The following METTL9 variants were observed in gnomAD, a reference collection of about 807,000 sequenced individuals.
The protein encoded by METTL9 is methyltransferase 9, His-X-His N1(pi)-histidine, also known as protein-L-histidine N-pros-methyltransferase.
In METTL9, 10 loss-of-function variants were observed where a neutral mutation model predicts 36.0. The observed-to-expected ratio is 0.28, with a 90% CI of 0.17 to 0.47. METTL9 has a LOEUF of 0.47. Among genes scored for constraint, METTL9 ranks in the 20% least tolerant of loss-of-function variants. The pLI, the probability that METTL9 is intolerant of heterozygous loss-of-function variation, is 0.99. For synonymous variants in METTL9, 175 were observed against 149.7 expected, an observed-to-expected ratio of 1.17 and a Z score of -1.23; for missense variants, 246 against 383.5, an observed-to-expected ratio of 0.64 and a Z score of 3.00.
At chr16:21,598,809 C>G (rs1965014283), upstream of METTL9, among the ~76,000 whole-genome samples, 1 of 152,190 alleles carries the variant, frequency 6.6e-6, no homozygotes, top group Admixed American at 6.5e-5. Flanking sequence ...GCCAAGGAGT[C>G]TAACTTGAGG....
At chr16:21,625,226 C>T in intron 4 of METTL9, 111 bp downstream of exon 4, 2 of 1,187,740 alleles carry the variant, frequency 1.7e-6, no homozygotes, top group Non-Finnish European at 2.5e-6. Context: ...TAATAGCCTG[C>T]AGTTTAAAGT....
At chr16:21,611,444 C>T (rs1004494299) in intron 1 of METTL9, among the ~76,000 whole-genome samples, 2 of 152,136 alleles carry the variant, frequency 1.3e-5, no homozygotes, top group Non-Finnish European at 2.9e-5. Context: ...GCAAATTACT[C>T]TTGGCCAATT....
intron 4 of METTL9, among the ~76,000 whole-genome samples, chr16:21,625,495 C>T (rs940856125): frequency 5.3e-5 from 8 of 152,128 alleles, no homozygotes; most frequent in Non-Finnish European, 1.0e-4. Context: ...AATGTCATGG[C>T]TGTTTTGTTT....
At chr16:21,650,548 G>C (rs970804525) in intron 4 of METTL9, among the ~76,000 whole-genome samples, 8 of 151,642 alleles carry the variant, frequency 5.3e-5, no homozygotes, top group Non-Finnish European at 1.2e-4. Flanking sequence ...GGGTGGCGGG[G>C]ATAGCTGACT....
chr16:21,637,952 C>T (rs1162065436), intron 4 of METTL9, among the ~76,000 whole-genome samples: 4 of 152,230 alleles, frequency 2.6e-5, no homozygotes, highest in African/African-American at 9.6e-5. Context: ...GTTTTTGCAG[C>T]TCGAAGTAAA....
chr16:21,647,466 CAGAG>C (rs747420250), intron 4 of METTL9: 3 of 1,613,780 alleles, frequency 1.9e-6, no homozygotes, highest in South Asian at 2.2e-5. Flanking sequence ...GGTTGTGTGA[CAGAG>C]AGAGTACAGG....
At chr16:21,646,228 A>AT (rs1421999570) in intron 4 of METTL9, among the ~76,000 whole-genome samples, 1 of 151,356 alleles carries the variant, frequency 6.6e-6, no homozygotes, top group East Asian at 1.9e-4. Context: ...TACTGATAGG[A>AT]TTTAGCTATG....
chr16:21,633,081 A>G (rs949642752), intron 4 of METTL9, among the ~76,000 whole-genome samples: 3 of 152,106 alleles, frequency 2.0e-5, no homozygotes, highest in South Asian at 4.1e-4. Context: ...CTGGGGATCC[A>G]TAGTCAGCAA....
At chr16:21,627,838 A>G (rs1965849446) in intron 4 of METTL9, among the ~76,000 whole-genome samples, 1 of 152,148 alleles carries the variant, frequency 6.6e-6, no homozygotes, top group South Asian at 2.1e-4. Context: ...CTGTAGTTCC[A>G]GCTACTGGGG....
At chr16:21,650,250 T>A (rs1966532242) in intron 4 of METTL9, among the ~76,000 whole-genome samples, 1 of 152,206 alleles carries the variant, frequency 6.6e-6, no homozygotes, top group Admixed American at 6.5e-5. Flanking sequence ...CTCACGCCTG[T>A]AATCCCAGCA....
rs1965597143 is a variant in METTL9 at position 21,618,021 on chromosome 16, T to TA, written c.513_514insA (p.Ala172SerfsTer3). ...TGAGCCCTCATTTTGAAGAAATCTATGCCACTGAGCTTTCTGAAACTATGA... is the reference window on the plus strand; with the variant it reads ...TGAGCCCTCATTTTGAAGAAATCTATAGCCACTGAGCTTTCTGAAACTATGA... On this transcript the variant is annotated frameshift_variant, in exon 3 of 5. Transcript: ENST00000358154. LOFTEE classifies it high-confidence loss of function. 1 of 1,610,568 alleles carries TA rather than the reference T, an allele frequency of 6.2e-7. No homozygotes were observed. Among genetic ancestry groups the TA allele is most frequent in the African/African-American group, 1.3e-5 (1 of 74,524 alleles).
rs930926800 is a variant in METTL9 at position 21,599,903 on chromosome 16, G to T, written c.165+5G>T. 19 of 1,416,910 alleles carry T rather than the reference G, an allele frequency of 1.3e-5. No individual in the cohort carries two copies. Among genetic ancestry groups the T allele is most frequent in the Admixed American group, 1.1e-4 (4 of 34,996 alleles). The allele number at this position is 1,416,910 out of a possible 1,614,324, so 87.8% of individuals were successfully genotyped here. On this transcript the variant is annotated splice_donor_5th_base_variant and intron_variant, in intron 1 of 4. Transcript: ENST00000358154. This position sits in a 1 kb window ranked among gnomAD's most constrained non-coding sequence, Gnocchi z 4.4. ...GGCAGGAAGGAGAACCACCAGGTAC[G>T]GGCTGGGGCCGGGGCCGGGGCGGGG...
At chr16:21,628,536 C>T (rs1184103152) in intron 4 of METTL9, among the ~76,000 whole-genome samples, 2 of 152,064 alleles carry the variant, frequency 1.3e-5, no homozygotes, top group African/African-American at 4.8e-5. Context: ...CTCTGTTGCC[C>T]AGACGGGAGT....
At chr16:21,618,563 C>G (rs1965611560) in intron 3 of METTL9, among the ~76,000 whole-genome samples, 1 of 152,142 alleles carries the variant, frequency 6.6e-6, no homozygotes. Flanking sequence ...TGACAACCAC[C>G]ATTCTACTTT....
At chr16:21,638,571 A>G (rs1051300482) in intron 4 of METTL9, among the ~76,000 whole-genome samples, 1 of 152,212 alleles carries the variant, frequency 6.6e-6, no homozygotes, top group Non-Finnish European at 1.5e-5. Context: ...ATAAATGAGA[A>G]TCACGCTTTT....
intron 4 of METTL9, chr16:21,652,516 A>C: frequency 6.3e-7 from 1 of 1,598,662 alleles, no homozygotes; most frequent in Non-Finnish European, 8.5e-7. Context: ...AAGGAGGAGA[A>C]GAAAAAGAAC....
rs1597760438 is a variant in METTL9, at chr16:21,627,296, G to T, written c.751+2181G>T. ...GTGCTTTGCATACTTGGCTTAATTT[G>T]TTTTTTTTTAACTAAAAGTAGTTGT... is the stretch of plus-strand genomic sequence containing the variant. On this transcript the variant is annotated intron_variant, in intron 4 of 4. Transcript: ENST00000358154. 8.2e-6 allele frequency: 8 copies of T among 979,784 alleles called. 1 individual carries two copies. Among genetic ancestry groups the T allele is most frequent in the East Asian group, 1.1e-4 (1 of 8,746 alleles). The allele number at this position is 979,784 out of a possible 1,614,324, so 60.7% of individuals were successfully genotyped here.
chr16:21,632,974 G>A (rs1256647384), intron 4 of METTL9, among the ~76,000 whole-genome samples: 1 of 152,036 alleles, frequency 6.6e-6, no homozygotes, highest in Non-Finnish European at 1.5e-5. Flanking sequence ...AGGTTTTGAA[G>A]GCTATTTCTG....
chr16:21,605,061 A>T, intron 1 of METTL9, among the ~76,000 whole-genome samples: 1 of 152,068 alleles, frequency 6.6e-6, no homozygotes, highest in East Asian at 1.9e-4. Context: ...GGTTGGTGGT[A>T]TCATCCGCAC....
Sources: gnomAD v4.1 joint callset for allele counts (sites outside exome capture counted in the v4.1 genomes callset) on GRCh38, gnomAD v4.1.1 for gene constraint, Gnocchi (gnomAD v3.1) non-coding constraint, MANE v1.5 for transcripts, NCBI Gene and HGNC (gene_info 2026-07-23, HGNC 2026-07-21) for gene names.